Variants in LARP4B observed in about 807,000 individuals in gnomAD.
LARP4B encodes la-related protein 4B.
Under a neutral mutation model 89.8 loss-of-function variants are expected in LARP4B, and 12 were observed. The observed-to-expected ratio is 0.13, with a 90% CI of 0.09 to 0.22. LARP4B has a LOEUF of 0.22. Among genes scored for constraint, LARP4B ranks in the 10% least tolerant of loss-of-function variants. The pLI is 1.00. For missense variants in LARP4B, 757 were observed against 947.7 expected (o/e 0.80, Z 2.64); for synonymous variants, 367 against 363.3 (o/e 1.01, Z -0.12).
At chr10:958,816 G>T in the LARP4B span, among the ~76,000 whole-genome samples, 1 of 152,200 alleles carries the variant, frequency 6.6e-6, no homozygotes, top group Non-Finnish European at 1.5e-5. Context: ...GGAGTCACAG[G>T]CCTGCTGCCC....
At chr10:879,214 T>C (rs1161005532) in intron 3 of LARP4B, among the ~76,000 whole-genome samples, 1 of 152,220 alleles carries the variant, frequency 6.6e-6, no homozygotes, top group Non-Finnish European at 1.5e-5. Context: ...CAATACTATG[T>C]CATCAAAAAG....
At chr10:874,106 T>G (rs1421359110) in intron 3 of LARP4B, among the ~76,000 whole-genome samples, 1 of 152,078 alleles carries the variant, frequency 6.6e-6, no homozygotes, top group Admixed American at 6.5e-5. Flanking sequence ...TGGGAGTGTG[T>G]GCCTGTAGTT....
In LARP4B at chr10:864,132, C is replaced by T; in HGVS notation, c.280G>A (p.Gly94Ser). 6.2e-7 allele frequency: 1 copy of T among 1,614,218 alleles called. No individual in the cohort carries two copies. Among genetic ancestry groups the T allele is most frequent in the Non-Finnish European group, 8.5e-7 (1 of 1,180,028 alleles). The change falls in exon 4 of 18, where the codon GGC (glycine) becomes AGC (serine). Residue 94 changes from glycine to serine, a missense_variant. This residue lies in a region of LARP4B where 175 missense variants were observed against 187.0 expected (regional missense o/e 0.94). Coordinates refer to ENST00000316157, the MANE Select transcript of LARP4B (RefSeq NM_015155.3). ...EEVAGHHADR[G>S]PQGSDANGDG... is the part of the protein sequence containing the mutation. ...GCCATGCTCAACTTACCCTGCGGGC[C>T]ACGGTCTGCGTGGTGGCCAGCCACC...
At chr10:912,708 CAAAA>C (rs60998261) in intron 1 of LARP4B, among the ~76,000 whole-genome samples, 28 of 91,244 alleles carry the variant, frequency 3.1e-4, no homozygotes, top group Non-Finnish European at 3.7e-4. Flanking sequence ...CTCGTCTTGA[CAAAA>C]AAAAAAAAAA....
intron 8 of LARP4B, among the ~76,000 whole-genome samples, chr10:831,715 C>CCTAGAGAAAAGGCTGCT (rs1832915372): frequency 6.6e-6 from 1 of 152,128 alleles, no homozygotes. Context: ...GAAAATGAGC[C>CCTAGAGAAAAGGCTGCT]CTAGAGAAAA....
chr10:917,938 A>G (rs1836869167), intron 1 of LARP4B, among the ~76,000 whole-genome samples: 1 of 152,228 alleles, frequency 6.6e-6, no homozygotes. Context: ...GAGAGAAAAA[A>G]TTATGCTTCA....
At chr10:967,664 G>A in the LARP4B span, among the ~76,000 whole-genome samples, 2 of 152,180 alleles carry the variant, frequency 1.3e-5, no homozygotes, top group Non-Finnish European at 2.9e-5. Flanking sequence ...CTGACACTGG[G>A]CCAGGCGGAG....
the LARP4B span, among the ~76,000 whole-genome samples, chr10:966,298 T>G: frequency 6.6e-6 from 1 of 151,908 alleles, no homozygotes; most frequent in Admixed American, 6.6e-5. Context: ...CTATAAAAAA[T>G]TTTAAAAAAT....
At chr10:848,566 T>TAAA (rs71297917) in intron 5 of LARP4B, among the ~76,000 whole-genome samples, 125 of 143,498 alleles carry the variant, frequency 8.7e-4, no homozygotes, top group African/African-American at 2.4e-3. Context: ...TAAAAGTTAT[T>TAAA]AAAAAAAAAA....
intron 5 of LARP4B, among the ~76,000 whole-genome samples, chr10:862,504 T>C (rs1276427609): frequency 6.6e-6 from 1 of 151,984 alleles, no homozygotes; most frequent in African/African-American, 2.4e-5. Flanking sequence ...ATTGTGGTAA[T>C]AAAAATGAAA....
chr10:860,913 T>C (rs1834570306), intron 5 of LARP4B, among the ~76,000 whole-genome samples: 1 of 152,130 alleles, frequency 6.6e-6, no homozygotes, highest in Non-Finnish European at 1.5e-5. Context: ...TCCCAGCACT[T>C]TGGGAGGCCG....
At chr10:866,730 G>A (rs1006204071) in intron 3 of LARP4B, among the ~76,000 whole-genome samples, 3 of 152,108 alleles carry the variant, frequency 2.0e-5, no homozygotes, top group Admixed American at 6.5e-5. Flanking sequence ...CATACTACAC[G>A]TGCTTTAAAT....
intron 3 of LARP4B, among the ~76,000 whole-genome samples, chr10:878,226 T>C (rs553034363): frequency 3.2e-4 from 48 of 152,280 alleles, no homozygotes; most frequent in African/African-American, 1.1e-3. Flanking sequence ...TCAGGCTAAC[T>C]GTGATGTTGA....
the LARP4B span, among the ~76,000 whole-genome samples, chr10:975,972 T>C: frequency 1.2e-4 from 18 of 146,788 alleles, no homozygotes; most frequent in African/African-American, 4.3e-4. Context: ...CCCGGCCTAG[T>C]AGAAGGTAGG....
At chr10:926,328 G>C (rs1837131465) in intron 1 of LARP4B, among the ~76,000 whole-genome samples, 1 of 152,236 alleles carries the variant, frequency 6.6e-6, no homozygotes, top group South Asian at 2.1e-4. Flanking sequence ...TTTAAGGATG[G>C]TTTAAGGAGC....
At chr10:978,639 T>G in the LARP4B span, among the ~76,000 whole-genome samples, 1 of 152,224 alleles carries the variant, frequency 6.6e-6, no homozygotes. Context: ...ACCCTAGTTC[T>G]GAAAGTAGGA....
At chr10:966,859 A>C in the LARP4B span, among the ~76,000 whole-genome samples, 1 of 151,944 alleles carries the variant, frequency 6.6e-6, no homozygotes, top group Non-Finnish European at 1.5e-5. Context: ...TGCCTGGAGA[A>C]GGTGTGTTCT....
At chr10:944,007 A>C in the LARP4B span, among the ~76,000 whole-genome samples, 1 of 152,172 alleles carries the variant, frequency 6.6e-6, no homozygotes, top group Non-Finnish European at 1.5e-5. Context: ...TTCAAAAAGA[A>C]AAAGCGGTCT....
chr10:872,369 G>T (rs1481549690), intron 3 of LARP4B, among the ~76,000 whole-genome samples: 2 of 152,206 alleles, frequency 1.3e-5, no homozygotes, highest in Non-Finnish European at 2.9e-5. Context: ...GGCACGCGAG[G>T]CTGAAGGCAC....
Sources: allele counts gnomAD v4.1 joint callset (sites outside exome capture counted in the v4.1 genomes callset), GRCh38; gene constraint gnomAD v4.1.1; regional missense constraint gnomAD v4.1.1; transcripts MANE v1.5; gene names NCBI Gene and HGNC (gene_info 2026-07-23, HGNC 2026-07-21).